Variants in WDR11 observed in about 807,000 individuals in gnomAD.
WDR11 encodes the protein WD repeat-containing protein 11.
WDR11 carries 83 observed loss-of-function variants against 151.2 expected under a neutral mutation model. That is an observed-to-expected ratio of 0.55 (90% confidence interval 0.46 to 0.66). WDR11 has a LOEUF of 0.66. WDR11 is among the 30% of genes least tolerant of loss of function. The pLI, the probability that WDR11 is intolerant of heterozygous loss-of-function variation, is 0.00. For synonymous variants in WDR11, 484 were observed against 533.1 expected (o/e 0.91, Z 1.27); for missense variants, 1,301 against 1,480.9 (o/e 0.88, Z 1.99).
intron 19 of WDR11, among the ~76,000 whole-genome samples, chr10:120,898,289 C>T (rs1392511342): frequency 6.6e-6 from 1 of 152,132 alleles, no homozygotes; most frequent in Non-Finnish European, 1.5e-5. Flanking sequence ...AAATTTTCAG[C>T]ACAAACAGTT....
At chr10:120,905,817 T>G in intron 26 of WDR11, 59 bp from the exon 27 acceptor site, 1 of 1,613,954 alleles carries the variant, frequency 6.2e-7, no homozygotes, top group South Asian at 1.1e-5. Flanking sequence ...AACTGAATTA[T>G]TATTTTTTCT....
chr10:120,867,060 T>C lies in WDR11; in HGVS notation c.1191-6T>C. 1 of 1,607,742 alleles carries C rather than the reference T, an allele frequency of 6.2e-7. No homozygotes were observed. The highest frequency in any genetic ancestry group is 8.5e-7 in the Non-Finnish European group (1 of 1,174,444). On this transcript the variant is annotated splice_region_variant and splice_polypyrimidine_tract_variant and intron_variant, in intron 8 of 28. Coordinates refer to ENST00000263461, the MANE Select transcript of WDR11 (RefSeq NM_018117.12). ...GTAAAACCTTCTAATTATTATGTCT[T>C]TGCAGTAGTTCTGGTGTGTCACCTT...
intron 23 of WDR11, 151 bp downstream of exon 23, chr10:120,903,383 G>A (rs1172001275): frequency 1.0e-6 from 1 of 954,622 alleles, no homozygotes; most frequent in South Asian, 1.4e-5. Context: ...GGTGGCACGT[G>A]CCTGTAGTCC....
In WDR11 at chr10:120,871,206, G is replaced by T. The variant is rs1201155982; in HGVS notation, c.1331G>T (p.Gly444Val). The change falls in exon 10 of 29, where the codon GGT becomes GTT. Residue 444 changes from glycine (G) to valine (V), a missense_variant. Physicochemically the swap from Gly to Val is moderately radical, Grantham distance 109. This residue lies in a region of WDR11 where 692 missense variants were observed against 762.5 expected (regional missense o/e 0.91). Coordinates refer to ENST00000263461, the MANE Select transcript of WDR11 (RefSeq NM_018117.12). The stretch of plus-strand genomic sequence containing the variant: ...ATTGCTGGGGAAGAACATCCCAGAG[G>T]TTCAATTCTGCGGGAAGTGCACCTC... ...SAIAGEEHPR[G>V]SILREVHLKF... 2 of 1,613,996 alleles carry T rather than the reference G, an allele frequency of 1.2e-6. No individual in the cohort carries two copies. Among genetic ancestry groups the T allele is most frequent in the Non-Finnish European group, 1.7e-6 (2 of 1,180,024 alleles).
rs1307028984 is a variant in WDR11, at chr10:120,908,677, G to A, written c.3639G>A (p.Glu1213=). The change falls in exon 29 of 29, where the codon GAG becomes GAA. Residue 1213 remains glutamate, a synonymous_variant. Transcript: ENST00000263461. Reference sequence around the variant, plus strand: ...CAGCTGGCAAAGACTTATTGAATGAGCTTGAGTCCCCCAAGGAAGAACCCA... The same window carrying A: ...CAGCTGGCAAAGACTTATTGAATGAACTTGAGTCCCCCAAGGAAGAACCCA... The part of the protein sequence containing the change: ...AGAAGKDLLN[E]LESPKEEPIE... 6.2e-7 allele frequency: 1 copy of A among 1,614,072 alleles called. No individual in the cohort carries two copies. Among genetic ancestry groups the A allele is most frequent in the Non-Finnish European group, 8.5e-7 (1 of 1,180,046 alleles).
At chr10:120,901,958 G>A (rs1847837393) in intron 21 of WDR11, among the ~76,000 whole-genome samples, 2 of 152,150 alleles carry the variant, frequency 1.3e-5, no homozygotes, top group South Asian at 2.1e-4. Context: ...TGGCATTCTT[G>A]TTCCAGTAGT....
intron 19 of WDR11, among the ~76,000 whole-genome samples, chr10:120,895,947 C>A (rs1847600126): frequency 6.6e-6 from 1 of 152,052 alleles, no homozygotes; most frequent in African/African-American, 2.4e-5. Flanking sequence ...ACCTTTTTAC[C>A]CAGCAATCCC....
Position 120,905,918 on chromosome 10 carries a change from T to C in WDR11, c.3334T>C (p.Trp1112Arg). ...PEECADVLRR[W>R]VDHLCSPQVN... The stretch of plus-strand genomic sequence containing the variant: ...GGAGTGTGCCGATGTTTTAAGGCGG[T>C]GGGTTGACCACCTTTGTTCTCCACA... The change falls in exon 27 of 29, where the codon TGG (tryptophan) becomes CGG (arginine). Residue 1112 changes from tryptophan (W) to arginine (R), a missense_variant. Physicochemically the swap from Trp to Arg is moderately radical, Grantham distance 101. Coordinates refer to ENST00000263461, the MANE Select transcript of WDR11 (RefSeq NM_018117.12). 6.2e-7 allele frequency: 1 copy of C among 1,614,042 alleles called. No homozygotes were observed. The highest frequency in any genetic ancestry group is 8.5e-7 in the Non-Finnish European group (1 of 1,180,004).
rs377521083 is a variant in WDR11, at chr10:120,906,059, C to T, written c.3437+38C>T. On this transcript the variant is annotated intron_variant, in intron 27 of 28. Transcript: ENST00000263461. ...TTCACATGGGCTGCTCAGGCCTGCC[C>T]GTGAGCAGTCACTTCATGTTCTCTC... The T allele has an allele frequency of 1.9e-5, 31 of 1,612,494 alleles. No individual in the cohort carries two copies. In the African/African-American group the frequency reaches 2.0e-4, roughly 10 times the overall value.
In WDR11 at chr10:120,862,731, A is replaced by G. The variant is rs1287748232; in HGVS notation, c.527-4A>G. 3 of 1,614,116 alleles carry G rather than the reference A, an allele frequency of 1.9e-6. No homozygotes were observed. The highest frequency in any genetic ancestry group is 4.5e-5 in the East Asian group (2 of 44,868). ...TAATCAGAGTTTTGCTTTTCTCAAT[A>G]TAGTGCTTACCAGCGAGGGTATTGT... On this transcript the variant is annotated splice_region_variant and splice_polypyrimidine_tract_variant and intron_variant, in intron 4 of 28. Transcript: ENST00000263461.
At chr10:120,870,512 C>T (rs1358459447) in intron 9 of WDR11, among the ~76,000 whole-genome samples, 1 of 152,092 alleles carries the variant, frequency 6.6e-6, no homozygotes, top group African/African-American at 2.4e-5. Context: ...TTGAGACTTG[C>T]TAACCTAAGT....
At chr10:120,907,134 AAAG>A (rs1848083905) in intron 28 of WDR11, among the ~76,000 whole-genome samples, 2 of 152,182 alleles carry the variant, frequency 1.3e-5, no homozygotes, top group African/African-American at 4.8e-5. Context: ...CTGAACTTAA[AAAG>A]AAGATGAAGG....
At chr10:120,855,691 T>A (rs1845922132) in intron 2 of WDR11, among the ~76,000 whole-genome samples, 1 of 152,226 alleles carries the variant, frequency 6.6e-6, no homozygotes, top group African/African-American at 2.4e-5. Context: ...AAAAATACTA[T>A]TAATTTTTGT....
At chr10:120,861,889 TG>T (rs1846152817) in intron 4 of WDR11, among the ~76,000 whole-genome samples, 1 of 152,186 alleles carries the variant, frequency 6.6e-6, no homozygotes. Context: ...TAAGTCACTG[TG>T]GGCCCACTAC....
intron 14 of WDR11, among the ~76,000 whole-genome samples, chr10:120,884,829 G>T (rs1036456417): frequency 1.3e-5 from 2 of 152,152 alleles, no homozygotes; most frequent in African/African-American, 4.8e-5. Context: ...AAACCTAAAA[G>T]GCCAACAAGC....
intron 18 of WDR11, 109 bp downstream of exon 18, chr10:120,890,118 C>T (rs995199571): frequency 1.6e-5 from 12 of 743,308 alleles, no homozygotes; most frequent in South Asian, 4.6e-5. Flanking sequence ...TTAATGAGTT[C>T]GTCAAGTTTC....
chr10:120,858,953 T>C (rs569378471), intron 3 of WDR11, among the ~76,000 whole-genome samples, 157 bp downstream of exon 3: 1 of 152,352 alleles, frequency 6.6e-6, no homozygotes, highest in Admixed American at 6.5e-5. Context: ...AATCTGGCTT[T>C]CTGTCCTTAC....
At chr10:120,908,259 T>G in intron 28 of WDR11, 1 of 257,690 alleles carries the variant, frequency 3.9e-6, no homozygotes, top group East Asian at 7.5e-5. Flanking sequence ...CTTCCAATCT[T>G]CAGTTGAGTG....
Position 120,890,857 on chromosome 10 carries a change from T to G in WDR11, c.2485T>G (p.Cys829Gly). 2 of 1,614,146 alleles carry G rather than the reference T, an allele frequency of 1.2e-6. No homozygotes were observed. The highest frequency in any genetic ancestry group is 1.7e-6 in the Non-Finnish European group (2 of 1,180,014). Residue 829 changes from cysteine to glycine, a missense_variant, in exon 19 of 29, where the codon TGC becomes GGC. This residue lies in a region of WDR11 where 589 missense variants were observed against 670.6 expected (regional missense o/e 0.88). Transcript: ENST00000263461. ...CCTAGAGATGTCTATGAAGTCTGCG[T>G]GCTTTAGAATGGATGAACAAGAGTT... Reference protein sequence around the residue: ...RVLEMSMKSACFRMDEQELTE... With the variant: ...RVLEMSMKSAGFRMDEQELTE...
Sources: gnomAD v4.1 joint callset for allele counts (sites outside exome capture counted in the v4.1 genomes callset) on GRCh38, gnomAD v4.1.1 for gene constraint, gnomAD v4.1.1 regional missense constraint, MANE v1.5 for transcripts, NCBI Gene and HGNC (gene_info 2026-07-23, HGNC 2026-07-21) for gene names.